EP300: variants seen among roughly 807,000 people sequenced by gnomAD.
EP300 encodes the protein EP300 lysine acetyltransferase, also known as histone acetyltransferase p300.
EP300 carries 31 observed loss-of-function variants against 264.0 expected under a neutral mutation model. The observed-to-expected ratio is 0.12, with a 90% CI of 0.09 to 0.16. The LOEUF is 0.16. Among genes scored for constraint, EP300 ranks in the 10% least tolerant of loss-of-function variants. The pLI is 1.00. For synonymous variants in EP300, 1,340 were observed against 1,045.4 expected (o/e 1.28, Z -5.44); for missense variants, 2,766 against 3,052.9 (o/e 0.91, Z 2.21).
rs748820220 is a variant in EP300 at position 41,150,125 on chromosome 22, G to A, written c.2744G>A (p.Arg915His). ...GCTGACCAGCCCCAGCAGCAGCCTC[G>A]CTCACAGCAGAGCACAGCAGCGTCT... ...PSADQPQQQP[R>H]SQQSTAASVP... Residue 915 changes from arginine to histidine, a missense_variant, in exon 14 of 31, where the codon CGC (arginine) becomes CAC (histidine). Physicochemically the swap from Arg to His is conservative, Grantham distance 29. Transcript: ENST00000263253. 70 of 1,612,678 alleles carry A rather than the reference G, an allele frequency of 4.3e-5. No homozygotes were observed. The South Asian group carries it at 4.4e-4, about 10-fold the overall frequency.
At position 41,117,832 on chromosome 22, in the gene EP300, T is replaced by A; in HGVS notation, c.729+11T>A. 6.2e-7 allele frequency: 1 copy of A among 1,613,436 alleles called. No individual in the cohort carries two copies. Among genetic ancestry groups the A allele is most frequent in the African/African-American group, 1.3e-5 (1 of 75,010 alleles). ...CCCCAGCCTCTTAAGGTAAGTACAG[T>A]TTTGGTTTGTGTGCACAATCGGCAT... On this transcript the variant is annotated intron_variant, in intron 2 of 30. Transcript: ENST00000263253.
Position 41,134,584 on chromosome 22 carries a change from A to G in EP300, c.1529-1229A>G, listed in dbSNP as rs1041682945. ...TAATTTTTGTATGTTTTGTAGAGAC[A>G]GGGTTTCGCCATGTGGCCCAGGCTG... On this transcript the variant is annotated intron_variant, in intron 6 of 30. Transcript: ENST00000263253. Among the ~76,000 whole-genome samples, 33 of 152,194 alleles carry G rather than the reference A, an allele frequency of 2.2e-4. 1 individual carries two copies. The highest frequency in any genetic ancestry group is 2.9e-4 in the Non-Finnish European group (20 of 68,040).
In EP300 at chr22:41,162,717, C is replaced by CCTTA; in HGVS notation, c.3672-5_3672-2dup. 1 of 1,608,424 alleles carries CCTTA rather than the reference C, an allele frequency of 6.2e-7. No homozygotes were observed. Among genetic ancestry groups the CCTTA allele is most frequent in the Non-Finnish European group, 8.5e-7 (1 of 1,174,966 alleles). On this transcript the variant is annotated splice_region_variant and splice_polypyrimidine_tract_variant and intron_variant, in intron 20 of 30. Transcript: ENST00000263253. ...TTTTCTCATTGTGTCCCTTTTCTCT[C>CCTTA]CTTAGTACAATAAATAAAGAACAAT...
At chr22:41,129,146 G>A (rs1601605633) in intron 4 of EP300, among the ~76,000 whole-genome samples, 1 of 148,880 alleles carries the variant, frequency 6.7e-6, no homozygotes, top group East Asian at 2.0e-4. Flanking sequence ...GAGTAGATGG[G>A]ACTACAGGCG....
Position 41,136,325 on chromosome 22 carries a change from A to G in EP300, c.1622+419A>G, listed in dbSNP as rs139602653. 1.8e-3 allele frequency among the ~76,000 whole-genome samples: 270 copies of G among 152,232 alleles called. 5 individuals are homozygous for G. In the East Asian group the frequency reaches 0.046, roughly 26 times the overall value. On this transcript the variant is annotated intron_variant, in intron 7 of 30. Coordinates refer to ENST00000263253, the MANE Select transcript of EP300 (RefSeq NM_001429.4). The stretch of plus-strand genomic sequence containing the variant: ...AGGCGTGAGCCACCACGCCTAGCCC[A>G]CTCTTTCTTCTTTCTACAGCCTTAA...
At chr22:41,162,323 G>C (rs1302265533) in intron 20 of EP300, among the ~76,000 whole-genome samples, 1 of 152,194 alleles carries the variant, frequency 6.6e-6, no homozygotes, top group Non-Finnish European at 1.5e-5. Flanking sequence ...TCTAGTTGGA[G>C]AATGTGGATC....
chr22:41,092,742 T>G lies in EP300; in HGVS notation c.-263T>G. 1.6e-6 allele frequency: 1 copy of G among 608,816 alleles called. No homozygotes were observed. 37.7% of individuals were successfully genotyped at this position (608,816 alleles called of 1,614,324 possible). ...CGGGAATTCGCCGCAGCGGACGCGC[T>G]CGGCGAATTTGTGCTCTTGTGCCCT... is the stretch of plus-strand genomic sequence containing the variant. On this transcript the variant is annotated 5_prime_UTR_variant, in exon 1 of 31. Coordinates refer to ENST00000263253, the MANE Select transcript of EP300 (RefSeq NM_001429.4).
intron 1 of EP300, among the ~76,000 whole-genome samples, chr22:41,110,439 T>C (rs1601594053): frequency 6.6e-6 from 1 of 151,042 alleles, no homozygotes; most frequent in East Asian, 2.0e-4. Context: ...ACTACAGGCA[T>C]GCTCCACCAT....
At position 41,177,936 on chromosome 22, in the gene EP300, C is replaced by T. The variant is rs543501228; in HGVS notation, c.6225C>T (p.His2075=). The change falls in exon 31 of 31, where the codon CAC becomes CAT. Residue 2075 remains histidine (H), a synonymous_variant. Transcript: ENST00000263253. ...AGCAACAGGTGCTTAGTATCCTTCA[C>T]GCCAACCCCCAGCTGTTGGCTGCAT... ...LQQQQVLSIL[H]ANPQLLAAFI... 2.9e-5 allele frequency: 47 copies of T among 1,614,158 alleles called. No individual in the cohort carries two copies. Among genetic ancestry groups the T allele is most frequent in the South Asian group, 5.5e-5 (5 of 91,084 alleles).
intron 23 of EP300, among the ~76,000 whole-genome samples, chr22:41,167,632 ATAT>A (rs2059145912): frequency 2.5e-5 from 2 of 80,662 alleles, no homozygotes; most frequent in Non-Finnish European, 4.8e-5. Context: ...ATATATATAT[ATAT>A]AATGTTTGGT....
chr22:41,158,522 C>G (rs2145749880), intron 19 of EP300, 22 bp downstream of exon 19: 3 of 1,598,302 alleles, frequency 1.9e-6, no homozygotes, highest in Non-Finnish European at 2.6e-6. Context: ...CAGGTGTGGA[C>G]CATGGTCCAT....
intron 1 of EP300, among the ~76,000 whole-genome samples, chr22:41,112,131 G>A (rs577633016): frequency 9.9e-5 from 15 of 151,546 alleles, no homozygotes; most frequent in African/African-American, 2.2e-4. Context: ...CTCGTGATCC[G>A]CCCGCCTTGG....
At chr22:41,145,704 A>G (rs1031272792) in intron 10 of EP300, among the ~76,000 whole-genome samples, 48 of 152,124 alleles carry the variant, frequency 3.2e-4, no homozygotes, top group African/African-American at 1.1e-3. Context: ...GCTTACTGCA[A>G]GCTCCACCTC....
At chr22:41,131,855 T>G (rs954154563) in intron 6 of EP300, among the ~76,000 whole-genome samples, 2 of 152,160 alleles carry the variant, frequency 1.3e-5, no homozygotes, top group African/African-American at 4.8e-5. Flanking sequence ...GAGTTCAGAT[T>G]TGCAGAAATG....
intron 19 of EP300, chr22:41,160,304 G>C (rs1475337105): frequency 1.5e-5 from 5 of 335,604 alleles, no homozygotes; most frequent in Non-Finnish European, 2.9e-5. Context: ...TCTGCTTTGT[G>C]TTGTTCTGTC....
chr22:41,108,388 A>G (rs2058770347), intron 1 of EP300, among the ~76,000 whole-genome samples: 1 of 151,560 alleles, frequency 6.6e-6, no homozygotes, highest in African/African-American at 2.4e-5. Context: ...AGCTGGGACT[A>G]CAGATGTGCA....
chr22:41,125,341 A>G (rs186873910), intron 2 of EP300, among the ~76,000 whole-genome samples: 1 of 151,454 alleles, frequency 6.6e-6, no homozygotes, highest in Non-Finnish European at 1.5e-5. Flanking sequence ...GATAGTCTCT[A>G]TCTCCTGACC....
chr22:41,093,156 C>T (rs2058683211), intron 1 of EP300, 58 bp downstream of exon 1: 2 of 1,528,776 alleles, frequency 1.3e-6, no homozygotes, highest in Non-Finnish European at 1.8e-6. Context: ...ACTCGGTGCG[C>T]CTTTATTCTT....
chr22:41,102,463 C>G (rs1363859338), intron 1 of EP300, among the ~76,000 whole-genome samples: 1 of 152,102 alleles, frequency 6.6e-6, no homozygotes, highest in East Asian at 1.9e-4. Flanking sequence ...TTCTGGGAAC[C>G]TGTGAGTGCT....
Sources: allele counts gnomAD v4.1 joint callset (sites outside exome capture counted in the v4.1 genomes callset), GRCh38; gene constraint gnomAD v4.1.1; transcripts MANE v1.5; gene names NCBI Gene and HGNC (gene_info 2026-07-23, HGNC 2026-07-21).